The following ARID1A variants were observed in gnomAD, a reference collection of about 807,000 sequenced individuals.
ARID1A encodes the protein AT-rich interaction domain 1A.
In ARID1A, 20 loss-of-function variants were observed where a neutral mutation model predicts 212.6. The observed-to-expected ratio is 0.09, with a 90% CI of 0.07 to 0.14. ARID1A has a LOEUF of 0.14. Among genes scored for constraint, ARID1A ranks in the 10% least tolerant of loss-of-function variants. The probability of loss-of-function intolerance (pLI) is 1.00; values close to 1 mark genes in which losing one functional copy is unlikely to be tolerated. For missense variants in ARID1A, 2,587 were observed against 3,059.0 expected (o/e 0.85, Z 3.64); for synonymous variants, 1,376 against 1,222.1 (o/e 1.13, Z -2.63).
chr1:26,731,035 T>C, intron 2 of ARID1A, 117 bp from the exon 3 acceptor site: 3 of 1,141,560 alleles, frequency 2.6e-6, no homozygotes, highest in Non-Finnish European at 3.8e-6. Flanking sequence ...CTCCTAAGTA[T>C]GAGGCCTTGC....
At position 26,696,037 on chromosome 1, in the gene ARID1A, G is replaced by C. The variant is rs2080245575; in HGVS notation, c.-367G>C. The C allele has an allele frequency of 1.3e-6, 1 of 761,986 alleles. No homozygotes were observed. 47.2% of individuals were successfully genotyped at this position (761,986 alleles called of 1,614,324 possible). ...CTCCTCCTTTCTCCGGCAGCAGAAA[G>C]CGGAGAGTCACAGCGGGGCCAGGCC... On this transcript the variant is annotated 5_prime_UTR_variant, in exon 1 of 20. Transcript: ENST00000324856.
At position 26,774,577 on chromosome 1, in the gene ARID1A, C is replaced by T. The variant is rs1570616100; in HGVS notation, c.4350C>T (p.Gly1450=). 1 of 1,614,192 alleles carries T rather than the reference C, an allele frequency of 6.2e-7. No homozygotes were observed. Among genetic ancestry groups the T allele is most frequent in the Non-Finnish European group, 8.5e-7 (1 of 1,180,022 alleles). Residue 1450 remains glycine (G), a synonymous_variant, in exon 18 of 20, where the codon GGC becomes GGT. Coordinates refer to ENST00000324856, the MANE Select transcript of ARID1A (RefSeq NM_006015.6). The surrounding 1 kb of genome is among the most constrained non-coding windows in gnomAD (Gnocchi z 5.6). ...CTACTGAGCGCCGACCAGCAGGCGG[C>T]CCCCAGAACCAATTTCCATTCCAGT... The part of the protein sequence containing the change: ...TAATERRPAG[G]PQNQFPFQFG...
At chr1:26,748,608 C>CT (rs36087588) in intron 4 of ARID1A, among the ~76,000 whole-genome samples, 4,054 of 117,670 alleles carry the variant, frequency 0.034, 124 homozygotes, top group African/African-American at 0.065. Flanking sequence ...GACCCAGATT[C>CT]TTTTTTTTTT....
intron 1 of ARID1A, among the ~76,000 whole-genome samples, chr1:26,718,765 A>G (rs2080529606): frequency 6.6e-6 from 1 of 152,328 alleles, no homozygotes; most frequent in Non-Finnish European, 1.5e-5. Flanking sequence ...CCTACTAACT[A>G]CATTTTTGAT....
intron 1 of ARID1A, among the ~76,000 whole-genome samples, chr1:26,702,091 T>G (rs1397602489): frequency 6.6e-6 from 1 of 152,196 alleles, no homozygotes; most frequent in Non-Finnish European, 1.5e-5. Flanking sequence ...CTCTCCAGAC[T>G]CCTGGTGTTT....
chr1:26,767,441 G>T (rs1468239578), intron 10 of ARID1A, among the ~76,000 whole-genome samples: 1 of 152,206 alleles, frequency 6.6e-6, no homozygotes, highest in East Asian at 1.9e-4. Context: ...AGGTGGACAA[G>T]GATTTGATAC....
chr1:26,720,350 G>A (rs2080549600), intron 1 of ARID1A, among the ~76,000 whole-genome samples: 2 of 151,862 alleles, frequency 1.3e-5, no homozygotes, highest in Admixed American at 1.3e-4. Context: ...GCACAGGTCT[G>A]TAATCCCAAC....
intron 1 of ARID1A, among the ~76,000 whole-genome samples, chr1:26,726,747 A>G (rs1179479822): frequency 6.6e-6 from 1 of 152,266 alleles, no homozygotes; most frequent in Admixed American, 6.5e-5. Flanking sequence ...AGCTTTGAAG[A>G]TAAAACACCT....
chr1:26,696,294 C>T lies in ARID1A; in HGVS notation c.-110C>T, dbSNP rs2080250276. 1.2e-5 allele frequency: 14 copies of T among 1,163,888 alleles called. No homozygotes were observed. The highest frequency in any genetic ancestry group is 1.5e-5 in the Non-Finnish European group (14 of 944,154). The allele number at this position is 1,163,888 out of a possible 1,614,324, so 72.1% of individuals were successfully genotyped here. Reference sequence around the variant, plus strand: ...AGCAGCGGAGCCCCGCGAGGCCCGCCCGGGCGGGTGGGGAGGGCAGCCCGG... The same window carrying T: ...AGCAGCGGAGCCCCGCGAGGCCCGCTCGGGCGGGTGGGGAGGGCAGCCCGG... On this transcript the variant is annotated 5_prime_UTR_variant, in exon 1 of 20. Coordinates refer to ENST00000324856, the MANE Select transcript of ARID1A (RefSeq NM_006015.6).
intron 11 of ARID1A, among the ~76,000 whole-genome samples, chr1:26,768,805 C>G (rs1490462040): frequency 6.6e-6 from 1 of 152,144 alleles, no homozygotes; most frequent in Non-Finnish European, 1.5e-5. Flanking sequence ...TTGCAGACTT[C>G]CCTCCTGTGT....
In ARID1A at chr1:26,697,110, G is replaced by A. The variant is rs2124743196; in HGVS notation, c.707G>A (p.Gly236Asp). 6.9e-7 allele frequency: 1 copy of A among 1,455,924 alleles called. No homozygotes were observed. Among genetic ancestry groups the A allele is most frequent in the Non-Finnish European group, 9.0e-7 (1 of 1,108,656 alleles). 90.2% of individuals were successfully genotyped at this position (1,455,924 alleles called of 1,614,324 possible). Residue 236 changes from glycine to aspartate, a missense_variant, in exon 1 of 20, where the codon GGT (glycine) becomes GAT (aspartate). Around this residue, in one of 11 missense-constraint regions of ARID1A, gnomAD observed 735 missense variants for 590.6 expected, o/e 1.24. Transcript: ENST00000324856. ...APAYALSSPR[G>D]GTPGSGAAAA... ...GCCTACGCGCTGAGCTCCCCGAGAG[G>A]TGGCACTCCGGGCTCCGGCGCGGCG... is the stretch of plus-strand genomic sequence containing the variant.
Position 26,732,812 on chromosome 1 carries a change from C to T in ARID1A, c.1920+20C>T, listed in dbSNP as rs1557593238. On this transcript the variant is annotated intron_variant, in intron 4 of 19. Transcript: ENST00000324856. ...TTGCCTGTGAGTATTTCTGCACCTT[C>T]TGAAAGGTGATAGGGGCAGAGAGGA... The T allele has an allele frequency of 4.4e-6, 7 of 1,587,018 alleles. No homozygotes were observed. The South Asian group carries it at 4.4e-5, about 10-fold the overall frequency.
At chr1:26,776,398 C>T (rs1557617669) in intron 19 of ARID1A, among the ~76,000 whole-genome samples, 1 of 152,016 alleles carries the variant, frequency 6.6e-6, no homozygotes, top group East Asian at 1.9e-4. Context: ...CTCAGCCTCC[C>T]AAGTAGCTGG....
rs560502657 is a variant in ARID1A at position 26,696,580 on chromosome 1, G to T, written c.177G>T (p.Glu59Asp). 8.1e-7 allele frequency: 1 copy of T among 1,229,756 alleles called. No individual in the cohort carries two copies. Among genetic ancestry groups the T allele is most frequent in the Non-Finnish European group, 1.0e-6 (1 of 988,260 alleles). 76.2% of individuals were successfully genotyped at this position (1,229,756 alleles called of 1,614,324 possible). Residue 59 changes from glutamate (E) to aspartate (D), a missense_variant, in exon 1 of 20, where the codon GAG becomes GAT. By Grantham distance (45) the Glu-to-Asp change is conservative (BLOSUM62 2). This residue lies in a region of ARID1A where 735 missense variants were observed against 590.6 expected (regional missense o/e 1.24). Coordinates refer to ENST00000324856, the MANE Select transcript of ARID1A (RefSeq NM_006015.6). The part of the protein sequence containing the change: ...EMKAAAGQES[E>D]GPAVGPPQPL... ...AGGCAGCCGCCGGGCAGGAAAGCGA[G>T]GGCCCCGCCGTGGGGCCGCCGCAGC... is the stretch of plus-strand genomic sequence containing the variant.
intron 4 of ARID1A, among the ~76,000 whole-genome samples, chr1:26,749,341 C>T (rs573845163): frequency 1.1e-4 from 17 of 152,132 alleles, no homozygotes; most frequent in Non-Finnish European, 2.5e-4. Context: ...TATCCTTTGC[C>T]AGTTCTCATT....
chr1:26,732,394 CT>C (rs1345582907), intron 3 of ARID1A, among the ~76,000 whole-genome samples: 1 of 152,074 alleles, frequency 6.6e-6, no homozygotes, highest in Non-Finnish European at 1.5e-5. Flanking sequence ...GGTCTCATTC[CT>C]TGATAGATTT....
At chr1:26,757,783 C>T (rs2124043290) in intron 4 of ARID1A, among the ~76,000 whole-genome samples, 1 of 152,232 alleles carries the variant, frequency 6.6e-6, no homozygotes, top group South Asian at 2.1e-4. Context: ...TTCTCCCTGC[C>T]TCAGCCTCCT....
chr1:26,775,862 G>A (rs956505313), intron 19 of ARID1A, 155 bp downstream of exon 19: 3 of 1,117,266 alleles, frequency 2.7e-6, no homozygotes, highest in Admixed American at 2.0e-5. Context: ...CTGGGCACGG[G>A]CCCAGGATTT....
intron 4 of ARID1A, among the ~76,000 whole-genome samples, chr1:26,735,578 C>T (rs1468243052): frequency 6.6e-6 from 1 of 152,204 alleles, no homozygotes; most frequent in Non-Finnish European, 1.5e-5. Context: ...AGGCGTGAGC[C>T]ACCTCACCCG....
Sources: gnomAD v4.1 joint callset for allele counts (sites outside exome capture counted in the v4.1 genomes callset) on GRCh38, gnomAD v4.1.1 for gene constraint, gnomAD v4.1.1 regional missense constraint, Gnocchi (gnomAD v3.1) non-coding constraint, MANE v1.5 for transcripts, NCBI Gene and HGNC (gene_info 2026-07-23, HGNC 2026-07-21) for gene names.